Variants in GSK3A observed in about 807,000 individuals in gnomAD.
The protein encoded by GSK3A is glycogen synthase kinase-3 alpha.
Under a neutral mutation model 56.6 loss-of-function variants are expected in GSK3A, and 14 were observed. The observed-to-expected ratio is 0.25, with a 90% CI of 0.16 to 0.39. The LOEUF (loss-of-function observed/expected upper bound fraction) is 0.39. Ranked by LOEUF, GSK3A falls within the 10% of genes least tolerant of loss-of-function variation. The probability of loss-of-function intolerance (pLI) is 1.00; values close to 1 mark genes in which losing one functional copy is unlikely to be tolerated. For synonymous variants in GSK3A, 301 were observed against 285.0 expected (o/e 1.06, Z -0.56); for missense variants, 450 against 656.0 (o/e 0.69, Z 3.43).
In GSK3A at chr19:42,234,726, C is replaced by T. The variant is rs773079724; in HGVS notation, c.667-48G>A. ...GAACTTTAGCCCAGCTTTCCCCATA[C>T]AGCACCACTACCCCACCAGCTTGGC... On this transcript the variant is annotated intron_variant, in intron 4 of 10. Coordinates refer to ENST00000222330, the MANE Select transcript of GSK3A (RefSeq NM_019884.3). This position sits in a 1 kb window ranked among gnomAD's most constrained non-coding sequence, Gnocchi z 5.7. 129 of 1,494,436 alleles carry T rather than the reference C, an allele frequency of 8.6e-5. No individual in the cohort carries two copies. The highest frequency in any genetic ancestry group is 9.1e-5 in the Non-Finnish European group (102 of 1,115,118). The allele number at this position is 1,494,436 out of a possible 1,614,324, so 92.6% of individuals were successfully genotyped here.
rs950317218 is a variant in GSK3A at position 42,232,071 on chromosome 19, G to T, written c.1364C>A (p.Thr455Asn). The stretch of plus-strand genomic sequence containing the variant: ...TCCCCACTTACCTTGTGAGGACGGG[G>T]TGAGGGTGGTAGTGCCCGCTGGGGA... Reference protein sequence around the residue: ...LRSPAGTTTLTPSSQALTETP... With the variant: ...LRSPAGTTTLNPSSQALTETP... Residue 455 changes from threonine to asparagine, a missense_variant, in exon 10 of 11, where the codon ACC (threonine) becomes AAC (asparagine). Around this residue, in one of 3 missense-constraint regions of GSK3A, gnomAD observed 113 missense variants for 147.5 expected, o/e 0.77. Transcript: ENST00000222330. 2 of 1,602,666 alleles carry T rather than the reference G, an allele frequency of 1.2e-6. No individual in the cohort carries two copies. The highest frequency in any genetic ancestry group is 2.7e-5 in the African/African-American group (2 of 74,662).
In GSK3A at chr19:42,230,852, G is replaced by A. The variant is rs752845859; in HGVS notation, c.1394C>T (p.Pro465Leu). The A allele has an allele frequency of 1.1e-5, 17 of 1,560,746 alleles. No homozygotes were observed. Among genetic ancestry groups the A allele is most frequent in the Middle Eastern group, 1.7e-4 (1 of 6,016 alleles). ...TPSSQALTET[P>L]TSSDWQSTDA... ...GGTCGACTGCCAGTCTGAGCTGGTCGGAGTCTCAGTTAAAGCTGGAGGGAG... is the reference window on the plus strand; with the variant it reads ...GGTCGACTGCCAGTCTGAGCTGGTCAGAGTCTCAGTTAAAGCTGGAGGGAG... Residue 465 changes from proline to leucine, a missense_variant, in exon 11 of 11, where the codon CCG (proline) becomes CTG (leucine). By Grantham distance (98) the Pro-to-Leu change is moderately conservative (BLOSUM62 -3). Around this residue, in one of 3 missense-constraint regions of GSK3A, gnomAD observed 113 missense variants for 147.5 expected, o/e 0.77. Coordinates refer to ENST00000222330, the MANE Select transcript of GSK3A (RefSeq NM_019884.3).
rs144184517 is a variant in GSK3A at position 42,236,967 on chromosome 19, A to T, written c.472-26T>A. The T allele has an allele frequency of 1.5e-4, 231 of 1,502,592 alleles. 1 individual carries two copies. In the African/African-American group the frequency reaches 2.6e-3, roughly 17 times the overall value. 93.1% of individuals were successfully genotyped at this position (1,502,592 alleles called of 1,614,324 possible). On this transcript the variant is annotated intron_variant, in intron 2 of 10. Coordinates refer to ENST00000222330, the MANE Select transcript of GSK3A (RefSeq NM_019884.3). The stretch of plus-strand genomic sequence containing the variant: ...CTTGAGGGCAAAGGGAGAGTCTCAG[A>T]ATACAACCAACTCTCTCGGCTGCTC...
Position 42,242,163 on chromosome 19 carries a change from C to G in GSK3A, c.283+20G>C. The G allele has an allele frequency of 7.4e-7, 1 of 1,358,512 alleles. No individual in the cohort carries two copies. Among genetic ancestry groups the G allele is most frequent in the South Asian group, 1.8e-5 (1 of 55,850 alleles). 84.2% of individuals were successfully genotyped at this position (1,358,512 alleles called of 1,614,324 possible). A position where few individuals can be genotyped will look rare whatever the true frequency, so the allele number is the denominator to read the frequency against. ...TGGGAACCCTAATCACCACCCTACA[C>G]GGGCGCCACTAGTACTCACGGCCCA... On this transcript the variant is annotated intron_variant, in intron 1 of 10. Coordinates refer to ENST00000222330, the MANE Select transcript of GSK3A (RefSeq NM_019884.3).
At chr19:42,230,917 C>T (rs1288379208) in intron 10 of GSK3A, 50 bp from the exon 11 acceptor site, 2 of 1,236,826 alleles carry the variant, frequency 1.6e-6, no homozygotes, top group Admixed American at 3.9e-5. Context: ...TTTCAGACAC[C>T]CCTTCGCCCA....
intron 2 of GSK3A, among the ~76,000 whole-genome samples, chr19:42,238,553 C>T (rs1331987284): frequency 6.8e-6 from 1 of 147,144 alleles, no homozygotes; most frequent in African/African-American, 2.5e-5. Flanking sequence ...GTTGCAGTGA[C>T]CCGAGATCAC....
Position 42,232,856 on chromosome 19 carries a change from G to T in GSK3A, c.1099-174C>A, listed in dbSNP as rs1419772911. ...CTAAGGAGAGGTCAGTTTGTATCGG[G>T]TAAGCAGGCAGCCCAGGTCTGGGAC... is the stretch of plus-strand genomic sequence containing the variant. On this transcript the variant is annotated intron_variant, in intron 8 of 10. Transcript: ENST00000222330. 4.9e-6 allele frequency: 3 copies of T among 608,458 alleles called. No homozygotes were observed. The East Asian group carries it at 8.9e-5, about 18-fold the overall frequency. 37.7% of individuals were successfully genotyped at this position (608,458 alleles called of 1,614,324 possible). A position where few individuals can be genotyped will look rare whatever the true frequency, so the allele number is the denominator to read the frequency against.
chr19:42,232,851 A>T (rs142572998), intron 8 of GSK3A, 169 bp from the exon 9 acceptor site: 228 of 621,296 alleles, frequency 3.7e-4, no homozygotes, highest in Non-Finnish European at 5.3e-4. Flanking sequence ...GTCAGTTTGT[A>T]TCGGGTAAGC....
rs2036299531 is a variant in GSK3A, at chr19:42,242,393, G to A, written c.73C>T (p.Pro25Ser). 1.4e-6 allele frequency: 2 copies of A among 1,387,810 alleles called. No individual in the cohort carries two copies. Among genetic ancestry groups the A allele is most frequent in the Non-Finnish European group, 9.3e-7 (1 of 1,072,420 alleles). The allele number at this position is 1,387,810 out of a possible 1,614,324, so 86.0% of individuals were successfully genotyped here. The change falls in exon 1 of 11, where the codon CCC becomes TCC. Residue 25 changes from proline (P) to serine (S), a missense_variant. Pro to Ser is a moderately conservative substitution (Grantham distance 74, BLOSUM62 -1). Around this residue, in one of 3 missense-constraint regions of GSK3A, gnomAD observed 193 missense variants for 200.5 expected, o/e 0.96. Coordinates refer to ENST00000222330, the MANE Select transcript of GSK3A (RefSeq NM_019884.3). ...CCGCCTCCTCCGCCTCCGCCGCCGG[G>A]CTCCGCGAACGAGCTAGTCCGCGCC... ...GRARTSSFAE[P>S]GGGGGGGGGG...
chr19:42,235,496 C>T (rs1004361158), intron 4 of GSK3A, among the ~76,000 whole-genome samples: 6 of 152,198 alleles, frequency 3.9e-5, no homozygotes, highest in Non-Finnish European at 8.8e-5. Context: ...GTTACTGCTG[C>T]ATCCCCCAGG....
At chr19:42,236,965 A>G in intron 2 of GSK3A, 24 bp from the exon 3 acceptor site, 1 of 1,517,676 alleles carries the variant, frequency 6.6e-7, no homozygotes, top group East Asian at 2.3e-5. Flanking sequence ...GGAGAGTCTC[A>G]GAATACAACC....
intron 1 of GSK3A, chr19:42,241,306 T>C (rs2036290195): frequency 6.6e-6 from 1 of 152,040 alleles, no homozygotes; most frequent in Admixed American, 6.6e-5. Flanking sequence ...ACCAAATCCA[T>C]TTTGAGGGGC....
At chr19:42,235,698 T>A (rs1296179338) in intron 4 of GSK3A, among the ~76,000 whole-genome samples, 3 of 152,196 alleles carry the variant, frequency 2.0e-5, no homozygotes, top group Non-Finnish European at 2.9e-5. Flanking sequence ...CTCCTTCTGG[T>A]ATGGCAGCAG....
chr19:42,240,430 A>G (rs561957726), intron 1 of GSK3A: 1 of 578,506 alleles, frequency 1.7e-6, no homozygotes, highest in South Asian at 2.2e-5. Context: ...AGGAAGCAAC[A>G]GATCACTGGT....
chr19:42,237,508 T>G (rs1275224174), intron 2 of GSK3A, among the ~76,000 whole-genome samples: 2 of 151,732 alleles, frequency 1.3e-5, no homozygotes, highest in Non-Finnish European at 2.9e-5. Context: ...AAAAAAAATT[T>G]TTTTTCAACT....
rs1374518673 is a variant in GSK3A, at chr19:42,240,104, C to T, written c.322G>A (p.Gly108Ser). 1.2e-6 allele frequency: 2 copies of T among 1,614,100 alleles called. No individual in the cohort carries two copies. The highest frequency in any genetic ancestry group is 1.3e-5 in the African/African-American group (1 of 74,920). The part of the protein sequence containing the change: ...GKVTTVVATL[G>S]QGPERSQEVA... ...TCTTGGGAGCGCTCTGGGCCTTGGC[C>T]TAGAGTGGCTACGACTGTGGTCACC... Residue 108 changes from glycine to serine, a missense_variant, in exon 2 of 11, where the codon GGC (glycine) becomes AGC (serine). Around this residue, in one of 3 missense-constraint regions of GSK3A, gnomAD observed 193 missense variants for 200.5 expected, o/e 0.96. Coordinates refer to ENST00000222330, the MANE Select transcript of GSK3A (RefSeq NM_019884.3).
At chr19:42,239,745 T>C (rs1277409961) in intron 2 of GSK3A, among the ~76,000 whole-genome samples, 1 of 152,220 alleles carries the variant, frequency 6.6e-6, no homozygotes, top group Non-Finnish European at 1.5e-5. Flanking sequence ...AATTTGCTTA[T>C]TAAGCACTTA....
intron 8 of GSK3A, 171 bp from the exon 9 acceptor site, chr19:42,232,853 C>T (rs2036233197): frequency 8.1e-6 from 5 of 616,674 alleles, no homozygotes; most frequent in Admixed American, 3.4e-5. Flanking sequence ...CAGTTTGTAT[C>T]GGGTAAGCAG....
At position 42,230,720 on chromosome 19, in the gene GSK3A, G is replaced by T; in HGVS notation, c.*74C>A. ...AGGGGCCCAGCCAGGGCAGGAGCTT[G>T]ATGGGCTATGGCCCCCCTTCCCAGC... On this transcript the variant is annotated 3_prime_UTR_variant, in exon 11 of 11. Transcript: ENST00000222330. 2 of 1,144,144 alleles carry T rather than the reference G, an allele frequency of 1.7e-6. No homozygotes were observed. The highest frequency in any genetic ancestry group is 2.6e-6 in the Non-Finnish European group (2 of 775,268). 70.9% of individuals were successfully genotyped at this position (1,144,144 alleles called of 1,614,324 possible). A position where few individuals can be genotyped will look rare whatever the true frequency, so the allele number is the denominator to read the frequency against.
Sources: gnomAD v4.1 joint callset for allele counts (sites outside exome capture counted in the v4.1 genomes callset) on GRCh38, gnomAD v4.1.1 for gene constraint, gnomAD v4.1.1 regional missense constraint, Gnocchi (gnomAD v3.1) non-coding constraint, MANE v1.5 for transcripts, NCBI Gene and HGNC (gene_info 2026-07-23, HGNC 2026-07-21) for gene names.